ZC3H8: variants seen among roughly 807,000 people sequenced by gnomAD.
ZC3H8 encodes the protein zinc finger CCCH-type containing 8.
In ZC3H8, 27 loss-of-function variants were observed where a neutral mutation model predicts 42.5. That is an observed-to-expected ratio of 0.64 (90% CI 0.47 to 0.88). ZC3H8 has a LOEUF of 0.88. ZC3H8 is among the 40% of genes least tolerant of loss of function. The pLI is 0.00. For synonymous variants in ZC3H8, 101 were observed against 110.1 expected (o/e 0.92, Z 0.52); for missense variants, 277 against 336.1 (o/e 0.82, Z 1.37).
At chr2:112,244,985 A>G (rs1685706718) in intron 2 of ZC3H8, among the ~76,000 whole-genome samples, 1 of 152,260 alleles carries the variant, frequency 6.6e-6, no homozygotes, top group African/African-American at 2.4e-5. Flanking sequence ...AAAGCTAGAA[A>G]TGATTAAGCT....
chr2:112,240,952 A>AGTGTGTGTGT lies in ZC3H8; in HGVS notation c.157-2434_157-2425dup, dbSNP rs67273091. 7.6e-4 allele frequency among the ~76,000 whole-genome samples: 109 copies of AGTGTGTGTGT among 142,714 alleles called. No individual in the cohort carries two copies. In the Middle Eastern group the frequency reaches 0.011, roughly 14 times the overall value. 93.6% of individuals were successfully genotyped at this position (142,714 alleles called of 152,430 possible). ...CCTCCAAAATTAAAGTACAGGTAAC[A>AGTGTGTGTGT]GTGTGTGTGTGTGTGTGTGTGTGTG... On this transcript the variant is annotated intron_variant, in intron 2 of 8. Coordinates refer to ENST00000409573, the MANE Select transcript of ZC3H8 (RefSeq NM_032494.3).
At chr2:112,234,026 C>A in intron 5 of ZC3H8, 94 bp downstream of exon 5, 1 of 708,620 alleles carries the variant, frequency 1.4e-6, no homozygotes, top group Non-Finnish European at 2.1e-6. Context: ...CAGAATGAAA[C>A]AGCTTTAAAA....
intron 1 of ZC3H8, 103 bp from the exon 2 acceptor site, chr2:112,250,375 C>G: frequency 2.9e-6 from 2 of 690,814 alleles, no homozygotes; most frequent in South Asian, 3.1e-5. Context: ...AACTTACCCT[C>G]AAAGAAATTA....
rs1159625244 is a variant in ZC3H8 at position 112,250,252 on chromosome 2, GTATC to G, written c.91_94del (p.Asp31GlnfsTer87). The G allele has an allele frequency of 6.4e-7, 1 of 1,556,322 alleles. No individual in the cohort carries two copies. The highest frequency in any genetic ancestry group is 2.0e-5 in the Admixed American group (1 of 50,304). On this transcript the variant is annotated frameshift_variant, in exon 2 of 9. Coordinates refer to ENST00000409573, the MANE Select transcript of ZC3H8 (RefSeq NM_032494.3). LOFTEE classifies it high-confidence loss of function. The stretch of plus-strand genomic sequence containing the variant: ...CTCTTCTTGTGTTTCTTCAACTTCT[GTATC>G]TATTTCATCATCGATTCTGTAGCAA...
intron 2 of ZC3H8, among the ~76,000 whole-genome samples, chr2:112,246,519 A>T (rs1685770460): frequency 6.6e-6 from 1 of 152,192 alleles, no homozygotes; most frequent in South Asian, 2.1e-4. Context: ...ACCCTCAGGG[A>T]TGACTTTGAG....
intron 5 of ZC3H8, 150 bp from the exon 6 acceptor site, chr2:112,233,521 C>A (rs11687980): frequency 0.13 from 77,296 of 612,534 alleles, 5,743 homozygotes; most frequent in Non-Finnish European, 0.15. Flanking sequence ...TAAATTATAA[C>A]CACATCACAT....
chr2:112,232,733 C>T (rs923201537), intron 6 of ZC3H8, among the ~76,000 whole-genome samples: 1 of 151,968 alleles, frequency 6.6e-6, no homozygotes, highest in Admixed American at 6.6e-5. Context: ...ATATTGAATG[C>T]CTGAAGAAAA....
rs1393260029 is a variant in ZC3H8 at position 112,253,522 on chromosome 2, T to G, written c.74+1386A>C. Among the ~76,000 whole-genome samples, 3 of 152,004 alleles carry G rather than the reference T, an allele frequency of 2.0e-5. No individual in the cohort carries two copies. In the East Asian group the frequency reaches 5.8e-4, roughly 29 times the overall value. On this transcript the variant is annotated intron_variant, in intron 1 of 8. Coordinates refer to ENST00000409573, the MANE Select transcript of ZC3H8 (RefSeq NM_032494.3). ...AAATAATGCCATAGGCAAAGACAAA[T>G]GACAATTGGGAGTAAAGTATTCGCA...
At chr2:112,247,333 G>C (rs1685797300) in intron 2 of ZC3H8, among the ~76,000 whole-genome samples, 1 of 152,200 alleles carries the variant, frequency 6.6e-6, no homozygotes, top group African/African-American at 2.4e-5. Context: ...CCAGCAGTTT[G>C]GGAGGCTGAG....
Position 112,238,242 on chromosome 2 carries a change from C to T in ZC3H8, c.370+73G>A, listed in dbSNP as rs1685430618. 9.1e-6 allele frequency: 13 copies of T among 1,431,658 alleles called. No homozygotes were observed. The South Asian group carries it at 1.4e-4, about 16-fold the overall frequency. 88.7% of individuals were successfully genotyped at this position (1,431,658 alleles called of 1,614,324 possible). A position where few individuals can be genotyped will look rare whatever the true frequency, so the allele number is the denominator to read the frequency against. On this transcript the variant is annotated intron_variant, in intron 3 of 8. Transcript: ENST00000409573. ...ATAAGATAAAGTGCAAAGAAAAATC[C>T]TCTGTCCGTATATGGACAACTGTGA...
At chr2:112,231,454 TTAAC>T (rs1249420718) in intron 7 of ZC3H8, among the ~76,000 whole-genome samples, 25 of 152,348 alleles carry the variant, frequency 1.6e-4, no homozygotes, top group Middle Eastern at 3.4e-3. Flanking sequence ...AAATTACTAC[TTAAC>T]TATTATTTGA....
At chr2:112,244,491 G>A (rs2104666690) in intron 2 of ZC3H8, among the ~76,000 whole-genome samples, 1 of 152,260 alleles carries the variant, frequency 6.6e-6, no homozygotes, top group Middle Eastern at 3.4e-3. Context: ...TATAAGATGT[G>A]AGATATCTAC....
At chr2:112,241,803 T>C (rs1451032893) in intron 2 of ZC3H8, among the ~76,000 whole-genome samples, 2 of 152,250 alleles carry the variant, frequency 1.3e-5, no homozygotes, top group Non-Finnish European at 2.9e-5. Context: ...ATAAAGAACA[T>C]ATTACTCTAT....
At chr2:112,217,097 G>A (rs944646033) in intron 8 of ZC3H8, among the ~76,000 whole-genome samples, 2 of 152,122 alleles carry the variant, frequency 1.3e-5, no homozygotes, top group African/African-American at 2.4e-5. Flanking sequence ...GACCAGGCGC[G>A]GTGGCTCACA....
intron 2 of ZC3H8, among the ~76,000 whole-genome samples, chr2:112,242,366 A>G (rs1303447854): frequency 6.6e-6 from 1 of 152,252 alleles, no homozygotes; most frequent in Non-Finnish European, 1.5e-5. Flanking sequence ...GAACATAGGC[A>G]TACTCATTCA....
chr2:112,241,370 C>G (rs1273279086), intron 2 of ZC3H8, among the ~76,000 whole-genome samples: 1 of 152,158 alleles, frequency 6.6e-6, no homozygotes, highest in Admixed American at 6.5e-5. Context: ...CATTTGGGAG[C>G]AACCCCTACT....
intron 2 of ZC3H8, among the ~76,000 whole-genome samples, chr2:112,240,897 G>A (rs185524727): frequency 6.6e-6 from 1 of 150,878 alleles, no homozygotes; most frequent in Admixed American, 6.6e-5. Context: ...TATTCAAGAT[G>A]GTTTACTGAA....
intron 5 of ZC3H8, 148 bp from the exon 6 acceptor site, chr2:112,233,519 AACC>A: frequency 1.6e-6 from 1 of 618,002 alleles, no homozygotes; most frequent in Middle Eastern, 4.1e-4. Flanking sequence ...AATAAATTAT[AACC>A]ACATCACATA....
At chr2:112,230,738 G>A in intron 8 of ZC3H8, 165 bp downstream of exon 8, 1 of 318,830 alleles carries the variant, frequency 3.1e-6, no homozygotes, top group South Asian at 4.5e-5. Flanking sequence ...GCAGGCTGAT[G>A]TAGATCCATA....
Sources: allele counts gnomAD v4.1 joint callset (sites outside exome capture counted in the v4.1 genomes callset), GRCh38; gene constraint gnomAD v4.1.1; transcripts MANE v1.5; gene names NCBI Gene and HGNC (gene_info 2026-07-23, HGNC 2026-07-21).